GNA14: variants seen among roughly 807,000 people sequenced by gnomAD.
The protein encoded by GNA14 is guanine nucleotide-binding protein subunit alpha-14.
Under a neutral mutation model 42.0 loss-of-function variants are expected in GNA14, and 50 were observed. The ratio of observed to expected loss-of-function variants is 1.19; its 90% CI spans 0.95 to 1.51. The LOEUF (loss-of-function observed/expected upper bound fraction) is 1.51, where lower values mean the gene tolerates loss of function less well. Ranked by LOEUF, GNA14 falls within the 40% of genes most tolerant of loss-of-function variation. GNA14 has a pLI of 0.00. For synonymous variants in GNA14, 173 were observed against 163.1 expected (o/e 1.06, Z -0.46); for missense variants, 473 against 446.2 (o/e 1.06, Z -0.54).
intron 1 of GNA14, among the ~76,000 whole-genome samples, chr9:77,574,609 C>T (rs990889350): frequency 6.6e-6 from 1 of 152,190 alleles, no homozygotes; most frequent in Admixed American, 6.5e-5. Flanking sequence ...CAAGGATTCT[C>T]ATCAACTGAC....
chr9:77,429,669 G>C (rs1330768567), intron 4 of GNA14, among the ~76,000 whole-genome samples: 2 of 152,118 alleles, frequency 1.3e-5, no homozygotes, highest in African/African-American at 4.8e-5. Flanking sequence ...GAGCCAAGTG[G>C]GCTCCCCAAA....
chr9:77,529,357 G>A (rs1373685707), intron 1 of GNA14, 104 bp from the exon 2 acceptor site: 1 of 881,244 alleles, frequency 1.1e-6, no homozygotes, highest in African/African-American at 1.7e-5. Flanking sequence ...CCAATTAATA[G>A]GCTGATGGGT....
At chr9:77,613,200 T>C (rs1333830224) in intron 1 of GNA14, among the ~76,000 whole-genome samples, 3 of 152,176 alleles carry the variant, frequency 2.0e-5, no homozygotes, top group African/African-American at 7.2e-5. Flanking sequence ...CACCTCCAAA[T>C]ACTATCACAT....
rs1824303193 is a variant in GNA14 at position 77,643,536 on chromosome 9, A to G, written c.124+4134T>C. Among the ~76,000 whole-genome samples, 10 of 152,242 alleles carry G rather than the reference A, an allele frequency of 6.6e-5. No homozygotes were observed. In the South Asian group the frequency reaches 2.1e-3, roughly 32 times the overall value. On this transcript the variant is annotated intron_variant, in intron 1 of 6. Coordinates refer to ENST00000341700, the MANE Select transcript of GNA14 (RefSeq NM_004297.4). ...TTACATGGGTGAGCCACCGCACCCA[A>G]TCGGTGTTGTCACTTTCTACCTTAA... is the stretch of plus-strand genomic sequence containing the variant.
chr9:77,502,014 G>A (rs1836984072), intron 2 of GNA14, among the ~76,000 whole-genome samples: 1 of 152,106 alleles, frequency 6.6e-6, no homozygotes, highest in Non-Finnish European at 1.5e-5. Context: ...GCCCAGATTG[G>A]ATAATTTCTA....
At chr9:77,441,801 G>A (rs1415029803) in intron 2 of GNA14, among the ~76,000 whole-genome samples, 1 of 152,152 alleles carries the variant, frequency 6.6e-6, no homozygotes, top group African/African-American at 2.4e-5. Context: ...GAATTATACT[G>A]TGTTTAATGT....
chr9:77,597,545 T>C (rs1290874427), intron 1 of GNA14, among the ~76,000 whole-genome samples: 2 of 151,994 alleles, frequency 1.3e-5, no homozygotes, highest in East Asian at 1.9e-4. Context: ...TTTTCTTCAA[T>C]AAGCTTTTAA....
intron 1 of GNA14, among the ~76,000 whole-genome samples, chr9:77,608,922 G>GGATGTGA (rs1176927103): frequency 2.6e-5 from 4 of 151,984 alleles, no homozygotes; most frequent in Non-Finnish European, 5.9e-5. Flanking sequence ...TGAAATAGCT[G>GGATGTGA]ATCAAATCCT....
chr9:77,487,053 A>G (rs1198928567), intron 2 of GNA14, among the ~76,000 whole-genome samples: 1 of 151,882 alleles, frequency 6.6e-6, no homozygotes, highest in Non-Finnish European at 1.5e-5. Flanking sequence ...ATAAATTGCA[A>G]TAAAGTGAAG....
At chr9:77,489,455 C>T (rs1055505348) in intron 2 of GNA14, among the ~76,000 whole-genome samples, 1 of 152,144 alleles carries the variant, frequency 6.6e-6, no homozygotes, top group Non-Finnish European at 1.5e-5. Flanking sequence ...CCAAGTAAGA[C>T]GACCCCAAGG....
At chr9:77,493,218 A>G (rs1020095786) in intron 2 of GNA14, among the ~76,000 whole-genome samples, 1 of 151,596 alleles carries the variant, frequency 6.6e-6, no homozygotes, top group African/African-American at 2.4e-5. Context: ...TATCTCTACT[A>G]GAATGAAAAT....
intron 1 of GNA14, among the ~76,000 whole-genome samples, chr9:77,564,659 C>T (rs1822938147): frequency 6.6e-6 from 1 of 151,720 alleles, no homozygotes; most frequent in Admixed American, 6.6e-5. Context: ...ATGACAAAAC[C>T]CTGTCTCTAC....
intron 1 of GNA14, among the ~76,000 whole-genome samples, chr9:77,642,031 CAA>C (rs112679683): frequency 6.6e-6 from 1 of 150,402 alleles, no homozygotes; most frequent in Non-Finnish European, 1.5e-5. Flanking sequence ...AGTAAACAAA[CAA>C]AAAAAAAGAT....
intron 2 of GNA14, among the ~76,000 whole-genome samples, chr9:77,505,495 T>C (rs989748677): frequency 6.6e-6 from 1 of 152,230 alleles, no homozygotes; most frequent in Non-Finnish European, 1.5e-5. Context: ...CTGGAAGTCC[T>C]TCATGGCAGG....
chr9:77,477,494 A>G (rs1325320623), intron 2 of GNA14, among the ~76,000 whole-genome samples: 1 of 152,230 alleles, frequency 6.6e-6, no homozygotes, highest in Non-Finnish European at 1.5e-5. Context: ...AGACCTGCTC[A>G]GGAGAAAAAG....
chr9:77,526,076 ATTTT>A (rs34362442), intron 2 of GNA14, among the ~76,000 whole-genome samples: 2 of 125,142 alleles, frequency 1.6e-5, no homozygotes, highest in Non-Finnish European at 1.7e-5. Context: ...TAATTTTTGT[ATTTT>A]TTTTTTTTTT....
chr9:77,535,782 C>A (rs538491254), intron 1 of GNA14, among the ~76,000 whole-genome samples: 2 of 152,152 alleles, frequency 1.3e-5, no homozygotes, highest in African/African-American at 4.8e-5. Context: ...GGTCCACAGG[C>A]TGGTTGGGAA....
chr9:77,553,698 C>A (rs1261260638), intron 1 of GNA14, among the ~76,000 whole-genome samples: 1 of 151,944 alleles, frequency 6.6e-6, no homozygotes, highest in African/African-American at 2.4e-5. Context: ...TTTGTGTGCA[C>A]AGCAAGATGA....
At chr9:77,461,321 G>T (rs937903590) in intron 2 of GNA14, among the ~76,000 whole-genome samples, 1 of 152,206 alleles carries the variant, frequency 6.6e-6, no homozygotes, top group Non-Finnish European at 1.5e-5. Context: ...CTGCGCCTTA[G>T]CAAGATCCCG....
Sources: allele counts gnomAD v4.1 joint callset (sites outside exome capture counted in the v4.1 genomes callset), GRCh38; gene constraint gnomAD v4.1.1; transcripts MANE v1.5; gene names NCBI Gene and HGNC (gene_info 2026-07-23, HGNC 2026-07-21).